ADGRV1: variants seen among roughly 807,000 people sequenced by gnomAD.
ADGRV1 encodes G-protein coupled receptor 98.
In ADGRV1, 359 loss-of-function variants were observed where a neutral mutation model predicts 596.2. That is an observed-to-expected ratio of 0.60 (90% confidence interval 0.55 to 0.66). The LOEUF is 0.66. Ranked by LOEUF, ADGRV1 falls within the 30% of genes least tolerant of loss-of-function variation. ADGRV1 has a pLI of 0.00. For missense variants in ADGRV1, 7,274 were observed against 7,575.6 expected, an observed-to-expected ratio of 0.96 and a Z score of 1.48; for synonymous variants, 2,681 against 2,679.2, an observed-to-expected ratio of 1.00 and a Z score of -0.02.
intron 36 of ADGRV1, 76 bp from the exon 37 acceptor site, chr5:90,705,324 C>G (rs367841012): frequency 5.7e-6 from 7 of 1,219,088 alleles, no homozygotes; most frequent in Non-Finnish European, 8.2e-6. Context: ...CTTAATGTTT[C>G]AGAGAGTGAG....
chr5:90,876,194 G>A (rs1769203255), intron 83 of ADGRV1, among the ~76,000 whole-genome samples: 2 of 151,900 alleles, frequency 1.3e-5, no homozygotes, highest in Admixed American at 1.3e-4. Context: ...GTAAATAAAT[G>A]GATTAATAAG....
At chr5:91,059,236 C>G (rs1787185499) in intron 85 of ADGRV1, among the ~76,000 whole-genome samples, 1 of 152,036 alleles carries the variant, frequency 6.6e-6, no homozygotes, top group Non-Finnish European at 1.5e-5. Flanking sequence ...CATTGTTTTC[C>G]CTATTTTATT....
At chr5:91,072,303 A>G in intron 85 of ADGRV1, 144 bp from the exon 86 acceptor site, 1 of 698,748 alleles carries the variant, frequency 1.4e-6, no homozygotes, top group Admixed American at 2.2e-5. Flanking sequence ...ACTCAAACAA[A>G]ACTTCAGTTT....
chr5:90,596,848 C>G (rs1273596614), intron 1 of ADGRV1, among the ~76,000 whole-genome samples: 2 of 149,640 alleles, frequency 1.3e-5, no homozygotes, highest in South Asian at 4.2e-4. Flanking sequence ...AGAGGGAGAG[C>G]GAGAGGGAGA....
chr5:90,735,042 T>C (rs1254007824), intron 50 of ADGRV1, among the ~76,000 whole-genome samples: 1 of 152,222 alleles, frequency 6.6e-6, no homozygotes, highest in Non-Finnish European at 1.5e-5. Flanking sequence ...TTTGATGCAA[T>C]CCCATTTGTC....
At chr5:90,928,430 C>T (rs1414733464) in intron 83 of ADGRV1, among the ~76,000 whole-genome samples, 3 of 150,944 alleles carry the variant, frequency 2.0e-5, no homozygotes, top group Non-Finnish European at 3.0e-5. Flanking sequence ...GCATCGGCTC[C>T]TGAGGCTTCT....
intron 52 of ADGRV1, among the ~76,000 whole-genome samples, chr5:90,746,531 A>G (rs917717910): frequency 6.6e-6 from 1 of 152,170 alleles, no homozygotes; most frequent in Non-Finnish European, 1.5e-5. Context: ...CACCAAGAGC[A>G]TGTCCTCAGA....
intron 59 of ADGRV1, among the ~76,000 whole-genome samples, chr5:90,767,133 A>T (rs1466085113): frequency 6.6e-6 from 1 of 152,206 alleles, no homozygotes; most frequent in Non-Finnish European, 1.5e-5. Context: ...CACAAAGAAG[A>T]ATATGGAGGG....
intron 85 of ADGRV1, among the ~76,000 whole-genome samples, chr5:91,009,776 A>T (rs940632828): frequency 7.2e-5 from 11 of 152,072 alleles, no homozygotes; most frequent in Non-Finnish European, 1.3e-4. Flanking sequence ...AATTCACCAC[A>T]CTAAATTGAC....
chr5:91,033,018 T>A (rs1030956853), intron 85 of ADGRV1, among the ~76,000 whole-genome samples: 1 of 152,206 alleles, frequency 6.6e-6, no homozygotes, highest in Non-Finnish European at 1.5e-5. Flanking sequence ...TAGAGCCCTG[T>A]TAGTTAGTGG....
intron 4 of ADGRV1, among the ~76,000 whole-genome samples, chr5:90,619,507 C>A (rs1452101593): frequency 6.6e-6 from 1 of 151,994 alleles, no homozygotes; most frequent in African/African-American, 2.4e-5. Context: ...CCAAATGTCA[C>A]CTAAAGAAAG....
At chr5:90,881,083 A>G (rs1769720071) in intron 83 of ADGRV1, among the ~76,000 whole-genome samples, 1 of 152,166 alleles carries the variant, frequency 6.6e-6, no homozygotes, top group East Asian at 1.9e-4. Flanking sequence ...TTTTAATAAA[A>G]CCAGATCATG....
At chr5:90,647,901 C>G (rs531877850) in intron 17 of ADGRV1, 137 bp downstream of exon 17, 180 of 724,022 alleles carry the variant, frequency 2.5e-4, no homozygotes, top group South Asian at 1.3e-3. Context: ...TATTTCATTG[C>G]TTTCTTGAGA....
At chr5:90,756,423 T>G (rs75069094) in intron 55 of ADGRV1, 31 bp from the exon 56 acceptor site, 101 of 1,426,134 alleles carry the variant, frequency 7.1e-5, no homozygotes, top group Middle Eastern at 1.8e-4. Context: ...TAAAAAAAAA[T>G]GAAACACCAT....
intron 1 of ADGRV1, among the ~76,000 whole-genome samples, chr5:90,577,577 T>C (rs2151967531): frequency 6.6e-6 from 1 of 152,342 alleles, no homozygotes; most frequent in African/African-American, 2.4e-5. Flanking sequence ...TTGTTTTTGC[T>C]TAGGATTGTC....
At chr5:90,675,585 G>A in intron 24 of ADGRV1, 140 bp downstream of exon 24, 1 of 831,272 alleles carries the variant, frequency 1.2e-6, no homozygotes. Context: ...AAGGCGAGAG[G>A]ATTGCTTGAG....
At chr5:90,619,412 T>C (rs1328850081) in intron 4 of ADGRV1, among the ~76,000 whole-genome samples, 1 of 152,108 alleles carries the variant, frequency 6.6e-6, no homozygotes, top group African/African-American at 2.4e-5. Flanking sequence ...CCTAATCTCT[T>C]TCTGCTGATT....
At chr5:90,834,498 G>A (rs1764792064) in intron 77 of ADGRV1, among the ~76,000 whole-genome samples, 1 of 151,874 alleles carries the variant, frequency 6.6e-6, no homozygotes, top group Non-Finnish European at 1.5e-5. Flanking sequence ...TGAAAAGTTT[G>A]CTACCAGATG....
intron 59 of ADGRV1, among the ~76,000 whole-genome samples, chr5:90,767,473 G>T (rs1359839405): frequency 6.6e-6 from 1 of 152,126 alleles, no homozygotes; most frequent in African/African-American, 2.4e-5. Flanking sequence ...ATTGAAAATT[G>T]TAAGAGACTA....
Sources: gnomAD v4.1 joint callset for allele counts (sites outside exome capture counted in the v4.1 genomes callset) on GRCh38, gnomAD v4.1.1 for gene constraint, MANE v1.5 for transcripts, NCBI Gene and HGNC (gene_info 2026-07-23, HGNC 2026-07-21) for gene names.